HDAC8: variants seen among roughly 807,000 people sequenced by gnomAD.
HDAC8 encodes the protein histone deacetylase 8.
A neutral mutation model predicts 32.2 loss-of-function variants in HDAC8; 1 was observed. That is an observed-to-expected ratio of 0.03 (90% confidence interval 0.01 to 0.15). The LOEUF (loss-of-function observed/expected upper bound fraction) is 0.15, where lower values mean the gene tolerates loss of function less well. Ranked by LOEUF, HDAC8 falls within the 10% of genes least tolerant of loss-of-function variation. The pLI is 1.00. For missense variants in HDAC8, 117 were observed against 300.0 expected, an observed-to-expected ratio of 0.39 and a Z score of 4.51; for synonymous variants, 108 against 113.9, an observed-to-expected ratio of 0.95 and a Z score of 0.33.
intron 4 of HDAC8, among the ~76,000 whole-genome samples, chrX:72,496,607 AAG>A (rs1556013271): frequency 9.0e-6 from 1 of 111,527 alleles, no homozygotes; most frequent in Non-Finnish European, 1.9e-5. Context: ...ACATTAAAAA[AAG>A]AGATAATTTG....
intron 9 of HDAC8, among the ~76,000 whole-genome samples, chrX:72,456,573 C>T (rs918726657): frequency 7.2e-5 from 8 of 111,361 alleles, no homozygotes; most frequent in African/African-American, 9.8e-5. Flanking sequence ...CCAAGGCAGG[C>T]GAATTACTTG....
intron 9 of HDAC8, among the ~76,000 whole-genome samples, chrX:72,437,468 C>T (rs1276178524): frequency 9.0e-6 from 1 of 110,730 alleles, no homozygotes. Flanking sequence ...ACTCCAGTGG[C>T]ACCTGGAATG....
At chrX:72,430,695 T>C (rs2046789143) in intron 9 of HDAC8, among the ~76,000 whole-genome samples, 1 of 111,875 alleles carries the variant, frequency 8.9e-6, no homozygotes, top group Non-Finnish European at 1.9e-5. Context: ...TAAAAGGAAG[T>C]AAATTGGCCT....
intron 10 of HDAC8, among the ~76,000 whole-genome samples, chrX:72,337,862 G>C (rs937462290): frequency 1.9e-4 from 21 of 111,976 alleles, no homozygotes; most frequent in African/African-American, 6.8e-4. Context: ...TGTGTGGCTT[G>C]AGCACAGAAA....
chrX:72,481,779 T>G (rs1191382728), intron 7 of HDAC8, among the ~76,000 whole-genome samples: 1 of 109,024 alleles, frequency 9.2e-6, no homozygotes, highest in Non-Finnish European at 1.9e-5. Flanking sequence ...CTAGCTAATT[T>G]TTGTACTTTT....
chrX:72,401,337 T>C (rs2045897080), intron 9 of HDAC8, among the ~76,000 whole-genome samples: 2 of 111,636 alleles, frequency 1.8e-5, no homozygotes, highest in African/African-American at 6.5e-5. Flanking sequence ...TGGGTTCAAG[T>C]GATTTTCCTG....
At chrX:72,389,677 T>A (rs921223474) in intron 9 of HDAC8, among the ~76,000 whole-genome samples, 1 of 112,325 alleles carries the variant, frequency 8.9e-6, no homozygotes, top group Non-Finnish European at 1.9e-5. Flanking sequence ...CAAAAGCTCA[T>A]GTTCTTTTTA....
intron 9 of HDAC8, among the ~76,000 whole-genome samples, chrX:72,427,757 A>G (rs1350078564): frequency 9.3e-6 from 1 of 107,892 alleles, no homozygotes; most frequent in African/African-American, 3.4e-5. Flanking sequence ...TAATAAAATT[A>G]AAAAAAAAAG....
At chrX:72,338,686 AATATATATATATATATTTAT>A (rs1302442774) in intron 10 of HDAC8, among the ~76,000 whole-genome samples, 2 of 92,273 alleles carry the variant, frequency 2.2e-5, no homozygotes, top group African/African-American at 3.9e-5. Flanking sequence ...TATATATACA[AATATATATATATATATTTAT>A]ATATATATAA....
intron 7 of HDAC8, among the ~76,000 whole-genome samples, chrX:72,483,690 A>G (rs2048579472): frequency 8.9e-6 from 1 of 112,013 alleles, no homozygotes; most frequent in Non-Finnish European, 1.9e-5. Flanking sequence ...GGCTTCAGAG[A>G]GCTGAATTTT....
intron 4 of HDAC8, among the ~76,000 whole-genome samples, chrX:72,514,242 GTTTC>G (rs2049706967): frequency 8.9e-6 from 1 of 112,152 alleles, no homozygotes; most frequent in Admixed American, 9.4e-5. Flanking sequence ...CTATGAAATA[GTTTC>G]TTTAACTTAC....
At chrX:72,553,266 G>A (rs1265285092) in intron 4 of HDAC8, among the ~76,000 whole-genome samples, 2 of 111,156 alleles carry the variant, frequency 1.8e-5, no homozygotes, top group Admixed American at 9.5e-5. Context: ...GGACAGTCTC[G>A]ATCTCTTGAC....
At chrX:72,393,202 G>A (rs1402809775) in intron 9 of HDAC8, among the ~76,000 whole-genome samples, 1 of 111,906 alleles carries the variant, frequency 8.9e-6, no homozygotes, top group Non-Finnish European at 1.9e-5. Flanking sequence ...GTTTCTCAGT[G>A]TAATCCTCTT....
At chrX:72,483,323 C>G (rs1229434655) in intron 7 of HDAC8, among the ~76,000 whole-genome samples, 1 of 111,417 alleles carries the variant, frequency 9.0e-6, no homozygotes, top group African/African-American at 3.3e-5. Context: ...GAGGTGGATC[C>G]TTCATGAATG....
intron 7 of HDAC8, chrX:72,480,495 T>G (rs1373408455): frequency 3.2e-6 from 1 of 310,910 alleles, no homozygotes; most frequent in African/African-American, 2.7e-5. Flanking sequence ...TGGAAGACAG[T>G]GTTGCGATTC....
At chrX:72,538,486 T>C (rs1365795266) in intron 4 of HDAC8, among the ~76,000 whole-genome samples, 1 of 111,695 alleles carries the variant, frequency 9.0e-6, no homozygotes, top group Non-Finnish European at 1.9e-5. Flanking sequence ...TCTCGGTCCC[T>C]TGGTTCTTAT....
At chrX:72,504,961 G>T (rs1402309993) in intron 4 of HDAC8, among the ~76,000 whole-genome samples, 1 of 111,402 alleles carries the variant, frequency 9.0e-6, no homozygotes, top group Non-Finnish European at 1.9e-5. Context: ...GATGACTAAT[G>T]ATGTCAAGCA....
intron 9 of HDAC8, among the ~76,000 whole-genome samples, chrX:72,438,083 T>A (rs1244012379): frequency 8.9e-6 from 1 of 111,790 alleles, no homozygotes; most frequent in African/African-American, 3.3e-5. Flanking sequence ...AGACATCTCA[T>A]ACAGGAGAAC....
intron 9 of HDAC8, among the ~76,000 whole-genome samples, chrX:72,387,140 C>G (rs1555961758): frequency 8.9e-6 from 1 of 112,487 alleles, no homozygotes; most frequent in East Asian, 2.8e-4. Context: ...AGGGCACACA[C>G]TCAATTTAAG....
Sources: allele counts gnomAD v4.1 joint callset (sites outside exome capture counted in the v4.1 genomes callset), GRCh38; gene constraint gnomAD v4.1.1; transcripts MANE v1.5; gene names NCBI Gene and HGNC (gene_info 2026-07-23, HGNC 2026-07-21).